ZNF331: variants seen among roughly 807,000 people sequenced by gnomAD.
The protein encoded by ZNF331 is C2H2-like zinc finger protein rearranged in thyroid adenomas.
ZNF331 carries 2 observed loss-of-function variants against 7.0 expected under a neutral mutation model. That is an observed-to-expected ratio of 0.29 (90% confidence interval 0.12 to 0.90). The LOEUF (loss-of-function observed/expected upper bound fraction) is 0.90. Ranked by LOEUF, ZNF331 falls within the 40% of genes least tolerant of loss-of-function variation. The pLI, the probability that ZNF331 is intolerant of heterozygous loss-of-function variation, is 0.58. For missense variants in ZNF331, 432 were observed against 587.7 expected, an observed-to-expected ratio of 0.74 and a Z score of 2.74; for synonymous variants, 196 against 205.4, an observed-to-expected ratio of 0.95 and a Z score of 0.39.
intron 2 of ZNF331, among the ~76,000 whole-genome samples, chr19:53,532,359 T>G (rs2087575204): frequency 6.6e-6 from 1 of 152,218 alleles, no homozygotes; most frequent in African/African-American, 2.4e-5. Flanking sequence ...ATGCCTGGCT[T>G]ATTTCACTTA....
At chr19:53,564,010 C>T (rs534924510) in intron 3 of ZNF331, among the ~76,000 whole-genome samples, 2 of 124,316 alleles carry the variant, frequency 1.6e-5, no homozygotes, top group South Asian at 2.6e-4. Flanking sequence ...TCCAGCCTGG[C>T]GACAGAGCGA....
intron 2 of ZNF331, among the ~76,000 whole-genome samples, chr19:53,532,496 G>A (rs557164428): frequency 6.6e-6 from 1 of 152,292 alleles, no homozygotes; most frequent in South Asian, 2.1e-4. Context: ...AGATTAACAT[G>A]TAGGTTGATT....
At position 53,555,829 on chromosome 19, in the gene ZNF331, GT is replaced by G. The variant is rs2089360092; in HGVS notation, c.-137-14del. 6.6e-6 allele frequency: 1 copy of G among 151,976 alleles called. No individual in the cohort carries two copies. Among genetic ancestry groups the G allele is most frequent in the Non-Finnish European group, 1.5e-5 (1 of 68,064 alleles). The allele number at this position is 151,976 out of a possible 1,614,324, so 9.4% of individuals were successfully genotyped here. ...AGGTATGGCAGGTGTTACCCTTCTG[GT>G]TCTGTTTTCCCCAGGCCAGCATCCT... On this transcript the variant is annotated splice_polypyrimidine_tract_variant and intron_variant, in intron 2 of 5. Transcript: ENST00000449416.
chr19:53,562,342 T>C (rs1368217979), intron 3 of ZNF331, among the ~76,000 whole-genome samples: 4 of 151,888 alleles, frequency 2.6e-5, no homozygotes, highest in African/African-American at 9.7e-5. Context: ...AATAATGAGG[T>C]GATAAGATGG....
chr19:53,571,491 G>A lies in ZNF331; in HGVS notation c.10-113G>A, dbSNP rs969805808. The A allele has an allele frequency of 2.3e-5, 32 of 1,367,786 alleles. No homozygotes were observed. Among genetic ancestry groups the A allele is most frequent in the South Asian group, 1.7e-4 (12 of 72,468 alleles). 84.7% of individuals were successfully genotyped at this position (1,367,786 alleles called of 1,614,324 possible). On this transcript the variant is annotated intron_variant, in intron 4 of 5. Transcript: ENST00000449416. The surrounding 1 kb of genome is among the most constrained non-coding windows in gnomAD (Gnocchi z 4.7). ...CCTTACCGCCCCTTGCCGATGTCAC[G>A]GGTGTTCAGTCTGCTCACGGTGTTC... is the stretch of plus-strand genomic sequence containing the variant.
chr19:53,543,909 C>T (rs1381812739), intron 2 of ZNF331, among the ~76,000 whole-genome samples: 1 of 152,150 alleles, frequency 6.6e-6, no homozygotes, highest in East Asian at 1.9e-4. Context: ...TTTTAATCTA[C>T]CTTCTTCACT....
At chr19:53,557,382 C>T (rs1488998672) in intron 3 of ZNF331, among the ~76,000 whole-genome samples, 1 of 152,180 alleles carries the variant, frequency 6.6e-6, no homozygotes. Flanking sequence ...CATGGCCACA[C>T]ATGGTGAAAG....
intron 2 of ZNF331, among the ~76,000 whole-genome samples, chr19:53,544,071 A>G (rs1191917179): frequency 2.0e-5 from 3 of 151,254 alleles, no homozygotes; most frequent in Non-Finnish European, 4.4e-5. Context: ...TACTAAAAAT[A>G]CAAAAATTGG....
At chr19:53,553,467 C>T (rs1217437668) in intron 2 of ZNF331, among the ~76,000 whole-genome samples, 8 of 152,118 alleles carry the variant, frequency 5.3e-5, no homozygotes, top group East Asian at 1.9e-4. Flanking sequence ...TAAGAATCTA[C>T]GGTTGTATCA....
chr19:53,561,349 A>C (rs77110774), intron 3 of ZNF331, among the ~76,000 whole-genome samples: 53 of 152,078 alleles, frequency 3.5e-4, no homozygotes, highest in Admixed American at 5.9e-4. Context: ...AAAAAAAAAA[A>C]AAACAAATTA....
chr19:53,518,530 A>G (rs2086961477), upstream of ZNF331, among the ~76,000 whole-genome samples: 1 of 152,222 alleles, frequency 6.6e-6, no homozygotes, highest in South Asian at 2.1e-4. Context: ...TGACTAATAC[A>G]AGGCAATTCT....
the ZNF331 span, chr19:53,504,185 C>A: frequency 3.0e-6 from 1 of 337,842 alleles, no homozygotes; most frequent in Non-Finnish European, 5.9e-6. Flanking sequence ...TGGTGGTGAA[C>A]ATCTCTGCAA....
intron 2 of ZNF331, chr19:53,523,649 C>T (rs960616522): frequency 9.9e-5 from 15 of 152,038 alleles, no homozygotes; most frequent in African/African-American, 3.6e-4. Flanking sequence ...TAGGTTCTGT[C>T]TTCACTCTGT....
At chr19:53,563,100 G>A (rs1269526239) in intron 3 of ZNF331, among the ~76,000 whole-genome samples, 9 of 38,812 alleles carry the variant, frequency 2.3e-4, no homozygotes, top group South Asian at 1.1e-3. Flanking sequence ...CCCACCCCCC[G>A]TCCCCGAGAA....
At chr19:53,524,349 A>G (rs1194065598) in intron 2 of ZNF331, among the ~76,000 whole-genome samples, 6 of 152,382 alleles carry the variant, frequency 3.9e-5, no homozygotes, top group African/African-American at 1.4e-4. Context: ...ACTGTCTTCC[A>G]CAATGGTTGA....
At chr19:53,561,527 T>C (rs1312382221) in intron 3 of ZNF331, among the ~76,000 whole-genome samples, 1 of 152,138 alleles carries the variant, frequency 6.6e-6, no homozygotes, top group Non-Finnish European at 1.5e-5. Context: ...TGCTAATTAA[T>C]CATGTGACTA....
the ZNF331 span, among the ~76,000 whole-genome samples, chr19:53,513,169 G>A: frequency 5.3e-5 from 8 of 151,270 alleles, no homozygotes; most frequent in Admixed American, 2.6e-4. Context: ...CCTCTCAGCC[G>A]CTGAGAAATC....
At chr19:53,563,402 T>G (rs1472243746) in intron 3 of ZNF331, among the ~76,000 whole-genome samples, 1 of 152,142 alleles carries the variant, frequency 6.6e-6, no homozygotes, top group African/African-American at 2.4e-5. Context: ...GATTTTTTAA[T>G]GCAGAATCAT....
intron 3 of ZNF331, among the ~76,000 whole-genome samples, chr19:53,557,734 G>A (rs1378476354): frequency 2.8e-5 from 2 of 71,436 alleles, no homozygotes; most frequent in East Asian, 3.4e-4. Flanking sequence ...AGGCCGAGGC[G>A]GATAGATCAC....
Sources: allele counts gnomAD v4.1 joint callset (sites outside exome capture counted in the v4.1 genomes callset), GRCh38; gene constraint gnomAD v4.1.1; non-coding constraint Gnocchi (gnomAD v3.1); transcripts MANE v1.5; gene names NCBI Gene and HGNC (gene_info 2026-07-23, HGNC 2026-07-21).